The following AFG2B variants were observed in gnomAD, a reference collection of about 807,000 sequenced individuals.
The protein encoded by AFG2B is AAA ATPase AFG2B.
At chr15:45,415,605 G>A in the AFG2B span, 2 of 1,613,794 alleles carry the variant, frequency 1.2e-6, no homozygotes, top group Non-Finnish European at 1.7e-6. Flanking sequence ...ACAAGCAAGA[G>A]CAAGCACTCC....
At chr15:45,414,750 T>G in the AFG2B span, 1 of 1,614,182 alleles carries the variant, frequency 6.2e-7, no homozygotes, top group Non-Finnish European at 8.5e-7. Context: ...TTTCACCGTT[T>G]GTTGGAGATT....
At chr15:45,403,249 C>T in the AFG2B span, 3 of 1,564,416 alleles carry the variant, frequency 1.9e-6, no homozygotes, top group Admixed American at 3.9e-5. Context: ...GCAGGGTTCC[C>T]GGCCTGGGGA....
the AFG2B span, chr15:45,415,735 G>C: frequency 1.9e-5 from 31 of 1,613,814 alleles, no homozygotes; most frequent in Non-Finnish European, 2.5e-5. Flanking sequence ...GATGGTGTTG[G>C]ACTTAAGACA....
At chr15:45,411,773 G>C in the AFG2B span, among the ~76,000 whole-genome samples, 1 of 152,156 alleles carries the variant, frequency 6.6e-6, no homozygotes, top group Non-Finnish European at 1.5e-5. Context: ...GGGCAACAGA[G>C]CGAGATCCTG....
At chr15:45,403,066 C>T in the AFG2B span, 7 of 1,540,698 alleles carry the variant, frequency 4.5e-6, no homozygotes, top group Non-Finnish European at 6.1e-6. Flanking sequence ...CGACTCGCTG[C>T]GGGAGCTCCT....
chr15:45,403,565 G>C, the AFG2B span: 176,934 of 1,578,240 alleles, frequency 0.11, 10,823 homozygotes, highest in Middle Eastern at 0.17. Context: ...AACCTCGGCC[G>C]CTTCTGGCGC....
the AFG2B span, among the ~76,000 whole-genome samples, chr15:45,419,756 C>T: frequency 1.3e-5 from 2 of 152,046 alleles, no homozygotes; most frequent in Admixed American, 1.3e-4. Context: ...TGACTCATGC[C>T]TGTAATCCCA....
chr15:45,403,363 C>A, the AFG2B span: 4 of 1,609,466 alleles, frequency 2.5e-6, no homozygotes, highest in East Asian at 6.7e-5. Context: ...GTGTCCCCAG[C>A]GGGGCAGTCG....
chr15:45,403,641 C>T, the AFG2B span: 1 of 1,234,322 alleles, frequency 8.1e-7, no homozygotes, highest in Non-Finnish European at 1.1e-6. Context: ...AGTTGGGGCT[C>T]TTTGCAATGC....
At chr15:45,414,894 G>A in the AFG2B span, 50 of 913,110 alleles carry the variant, frequency 5.5e-5, no homozygotes, top group Middle Eastern at 3.4e-4. Flanking sequence ...AAATTTATAC[G>A]TTTATTGAAA....
At chr15:45,403,493 G>C in the AFG2B span, 1 of 1,605,510 alleles carries the variant, frequency 6.2e-7, no homozygotes, top group African/African-American at 1.4e-5. Context: ...CCAGCGCTGC[G>C]TAGGCCCGGG....
chr15:45,419,659 T>C, the AFG2B span, among the ~76,000 whole-genome samples: 1 of 152,046 alleles, frequency 6.6e-6, no homozygotes, highest in Non-Finnish European at 1.5e-5. Context: ...AATAGAACAT[T>C]ATAAACACCC....
At chr15:45,415,777 A>G in the AFG2B span, 1 of 1,613,414 alleles carries the variant, frequency 6.2e-7, no homozygotes, top group South Asian at 1.1e-5. Flanking sequence ...TCAAGTCAAC[A>G]GGGTAAATAC....
the AFG2B span, chr15:45,403,017 G>A: frequency 3.2e-6 from 5 of 1,582,362 alleles, no homozygotes; most frequent in African/African-American, 4.1e-5. Flanking sequence ...AAGCCCAGCC[G>A]CAGCCCGAGG....
the AFG2B span, among the ~76,000 whole-genome samples, chr15:45,419,664 A>G: frequency 6.6e-6 from 1 of 152,098 alleles, no homozygotes; most frequent in African/African-American, 2.4e-5. Context: ...AACATTATAA[A>G]CACCCCAGAA....
chr15:45,421,030 T>C, the AFG2B span: 1 of 1,601,410 alleles, frequency 6.2e-7, no homozygotes, highest in South Asian at 1.1e-5. Flanking sequence ...TTCTATTGCT[T>C]GTCTCTTAAT....
chr15:45,415,336 A>G, the AFG2B span, among the ~76,000 whole-genome samples: 2 of 152,116 alleles, frequency 1.3e-5, no homozygotes, highest in African/African-American at 4.8e-5. Flanking sequence ...GTCTCTACTA[A>G]AAATACAAAA....
chr15:45,402,705 G>A, the AFG2B span: 2 of 1,568,650 alleles, frequency 1.3e-6, no homozygotes, highest in Non-Finnish European at 8.6e-7. Flanking sequence ...GATCCCGGAG[G>A]AGTCTCAGCC....
chr15:45,412,376 G>C, the AFG2B span, among the ~76,000 whole-genome samples: 1 of 151,914 alleles, frequency 6.6e-6, no homozygotes, highest in Non-Finnish European at 1.5e-5. Flanking sequence ...ACTCTAGCCT[G>C]GGACAGAGTG....
Sources: allele counts gnomAD v4.1 joint callset (sites outside exome capture counted in the v4.1 genomes callset), GRCh38; gene constraint gnomAD v4.1.1; transcripts MANE v1.5; gene names NCBI Gene and HGNC (gene_info 2026-07-23, HGNC 2026-07-21).